The following TRANK1 variants were observed in gnomAD, a reference collection of about 807,000 sequenced individuals.
TRANK1 encodes tetratricopeptide repeat and ankyrin repeat containing 1.
In TRANK1, 198 loss-of-function variants were observed where a neutral mutation model predicts 266.0. That is an observed-to-expected ratio of 0.74 (90% CI 0.66 to 0.84). The LOEUF (loss-of-function observed/expected upper bound fraction) is 0.84. Ranked by LOEUF, TRANK1 falls within the 40% of genes least tolerant of loss-of-function variation. The pLI, the probability that TRANK1 is intolerant of heterozygous loss-of-function variation, is 0.00. For missense variants in TRANK1, 3,326 were observed against 3,634.6 expected (o/e 0.92, Z 2.18); for synonymous variants, 1,396 against 1,384.1 (o/e 1.01, Z -0.19).
chr3:36,831,774 G>A lies in TRANK1; in HGVS notation c.7809C>T (p.Cys2603=). The part of the protein sequence containing the change: ...ESRLQLMSMD[C]PGQVPERLLK... ...GGAGCCTCTCGGGAACCTGGCCAGG[G>A]CAGTCCATGCTCATGAGCTGCAGCC... Residue 2603 remains cysteine (C), a synonymous_variant, in exon 22 of 24, where the codon TGC becomes TGT. Transcript: ENST00000645898. The surrounding 1 kb of genome is among the most constrained non-coding windows in gnomAD (Gnocchi z 5.0). The A allele has an allele frequency of 1.9e-6, 3 of 1,613,950 alleles. No individual in the cohort carries two copies. The highest frequency in any genetic ancestry group is 2.5e-6 in the Non-Finnish European group (3 of 1,179,888).
rs1486704369 is a variant in TRANK1, at chr3:36,922,430, C to A, written c.24-13976G>T. 2.6e-5 allele frequency among the ~76,000 whole-genome samples: 4 copies of A among 152,048 alleles called. No individual in the cohort carries two copies. The East Asian group carries it at 7.7e-4, about 29-fold the overall frequency. On this transcript the variant is annotated intron_variant, in intron 1 of 23. Transcript: ENST00000645898. Reference sequence around the variant, plus strand: ...ACCAGCCTGGCCAATGTGGTGGAACCCTGTCTGTACCAAAAAATACAAAAA... The same window carrying A: ...ACCAGCCTGGCCAATGTGGTGGAACACTGTCTGTACCAAAAAATACAAAAA...
intron 1 of TRANK1, among the ~76,000 whole-genome samples, chr3:36,931,766 G>A (rs761142464): frequency 2.6e-5 from 4 of 151,906 alleles, no homozygotes; most frequent in Non-Finnish European, 5.9e-5. Context: ...AAGAAATTCT[G>A]GGCCAGGTGT....
intron 1 of TRANK1, among the ~76,000 whole-genome samples, chr3:36,913,193 C>T (rs1455551946): frequency 6.6e-6 from 1 of 152,002 alleles, no homozygotes; most frequent in Non-Finnish European, 1.5e-5. Flanking sequence ...AGGCGTGCGC[C>T]CTGTAATCCC....
rs569008586 is a variant in TRANK1 at position 36,910,528 on chromosome 3, T to C, written c.24-2074A>G. Among the ~76,000 whole-genome samples, 7 of 149,300 alleles carry C rather than the reference T, an allele frequency of 4.7e-5. No individual in the cohort carries two copies. In the East Asian group the frequency reaches 1.0e-3, roughly 21 times the overall value. ...GCTGAGGCGGGCAGACCACCTGAGGTCAGGAGTTCGAGTCCAGCCTGGCCA... is the reference window on the plus strand; with the variant it reads ...GCTGAGGCGGGCAGACCACCTGAGGCCAGGAGTTCGAGTCCAGCCTGGCCA... On this transcript the variant is annotated intron_variant, in intron 1 of 23. Transcript: ENST00000645898.
chr3:36,924,911 G>A (rs1375193809), intron 1 of TRANK1, among the ~76,000 whole-genome samples: 1 of 152,178 alleles, frequency 6.6e-6, no homozygotes, highest in Non-Finnish European at 1.5e-5. Flanking sequence ...GAGGCTCTCT[G>A]CTCCTGCTAA....
intron 5 of TRANK1, among the ~76,000 whole-genome samples, chr3:36,895,318 T>TA (rs2079772803): frequency 6.6e-6 from 1 of 152,184 alleles, no homozygotes; most frequent in African/African-American, 2.4e-5. Context: ...ACACACTAGC[T>TA]AAAGCAGTAT....
Position 36,846,300 on chromosome 3 carries a change from T to C in TRANK1, c.5139A>G (p.Lys1713=), listed in dbSNP as rs2078913274. 1 of 1,612,490 alleles carries C rather than the reference T, an allele frequency of 6.2e-7. No homozygotes were observed. Among genetic ancestry groups the C allele is most frequent in the African/African-American group, 1.3e-5 (1 of 75,024 alleles). ...ENREKRAPAF[K]YFIRRDFVQV... ...GGACAAAATCTCTTCTAATGAAATA[T>C]TTGAATGCGGGAGCCCGTTTCTCTC... Residue 1713 remains lysine (K), a synonymous_variant, in exon 17 of 24, where the codon AAA becomes AAG. Coordinates refer to ENST00000645898, the MANE Select transcript of TRANK1 (RefSeq NM_001329998.2).
At chr3:36,934,326 G>A (rs919521849) in intron 1 of TRANK1, among the ~76,000 whole-genome samples, 2 of 152,168 alleles carry the variant, frequency 1.3e-5, no homozygotes, top group Non-Finnish European at 2.9e-5. Flanking sequence ...GAAAAGAAAG[G>A]CAGAAAGCGG....
At chr3:36,876,198 AT>A (rs1211231529) in intron 8 of TRANK1, among the ~76,000 whole-genome samples, 2 of 152,210 alleles carry the variant, frequency 1.3e-5, no homozygotes, top group Non-Finnish European at 2.9e-5. Flanking sequence ...GCCTTACCAG[AT>A]TTGATGGTGT....
intron 9 of TRANK1, among the ~76,000 whole-genome samples, chr3:36,868,300 G>A (rs562038414): frequency 4.6e-5 from 7 of 152,208 alleles, no homozygotes; most frequent in African/African-American, 9.6e-5. Context: ...TTAACCTACC[G>A]TAAAACTGGT....
chr3:36,892,341 C>T lies in TRANK1; in HGVS notation c.637-1G>A, dbSNP rs2079712413. The stretch of plus-strand genomic sequence containing the variant: ...CATAAAGTCCAATGAAAACGTATTT[C>T]TGGGGAAAAAAAACACACAGGACAA... On this transcript the variant is annotated splice_acceptor_variant, in intron 6 of 23. Transcript: ENST00000645898. LOFTEE classifies it high-confidence loss of function. 2 of 1,535,274 alleles carry T rather than the reference C, an allele frequency of 1.3e-6. No individual in the cohort carries two copies. Among genetic ancestry groups the T allele is most frequent in the Non-Finnish European group, 1.7e-6 (2 of 1,146,402 alleles).
intron 9 of TRANK1, among the ~76,000 whole-genome samples, chr3:36,866,446 C>T (rs995310425): frequency 1.3e-5 from 2 of 152,106 alleles, no homozygotes; most frequent in Admixed American, 1.3e-4. Flanking sequence ...AGGAGGAAGA[C>T]CAGTAGGTGA....
intron 8 of TRANK1, among the ~76,000 whole-genome samples, chr3:36,879,575 T>TATATAA (rs1234770505): frequency 9.9e-6 from 1 of 101,352 alleles, no homozygotes; most frequent in African/African-American, 4.7e-5. Context: ...AATATATAAA[T>TATATAA]ATATATAAAT....
intron 3 of TRANK1, among the ~76,000 whole-genome samples, chr3:36,902,044 T>G (rs968637174): frequency 2.0e-5 from 3 of 152,212 alleles, no homozygotes; most frequent in Non-Finnish European, 4.4e-5. Context: ...TTGGCTTCCC[T>G]GGGCCATATT....
chr3:36,847,226 G>A lies in TRANK1; in HGVS notation c.5008C>T (p.Leu1670Phe). 6.2e-7 allele frequency: 1 copy of A among 1,613,398 alleles called. No homozygotes were observed. Among genetic ancestry groups the A allele is most frequent in the Non-Finnish European group, 8.5e-7 (1 of 1,179,634 alleles). ...TTGTACATTTCTGGATTCACCATGAGAGATCGACCCTGAGAAGAGCCTGGT... is the reference window on the plus strand; with the variant it reads ...TTGTACATTTCTGGATTCACCATGAAAGATCGACCCTGAGAAGAGCCTGGT... ...DKPGSSQGRS[L>F]MVNPEMYKLL... Residue 1670 changes from leucine (L) to phenylalanine (F), a missense_variant, in exon 16 of 24, where the codon CTC (leucine) becomes TTC (phenylalanine). Coordinates refer to ENST00000645898, the MANE Select transcript of TRANK1 (RefSeq NM_001329998.2).
chr3:36,895,833 T>A, intron 4 of TRANK1, 75 bp from the exon 5 acceptor site: 1 of 930,508 alleles, frequency 1.1e-6, no homozygotes, highest in East Asian at 2.7e-5. Context: ...GTCCTCCAAT[T>A]AAGTTCACAC....
At chr3:36,864,049 A>AT (rs2079179493) in intron 10 of TRANK1, among the ~76,000 whole-genome samples, 1 of 152,296 alleles carries the variant, frequency 6.6e-6, no homozygotes, top group East Asian at 1.9e-4. Context: ...TATCTATAGT[A>AT]TTTTTTAAAT....
chr3:36,900,851 CAAAAAAAAAAAAA>C lies in TRANK1; in HGVS notation c.283-1605_283-1593del, dbSNP rs138198488. On this transcript the variant is annotated intron_variant, in intron 3 of 23. Transcript: ENST00000645898. ...TGGGTGACAAAGCAAGACCCTGTCT[CAAAAAAAAAAAAA>C]AAAAAAAAAAAAGATAACAGGTGTT... Among the ~76,000 whole-genome samples the C allele has an allele frequency of 3.2e-4, 20 of 63,010 alleles. 2 individuals are homozygous for C. The highest frequency in any genetic ancestry group is 6.7e-5 in the Non-Finnish European group (2 of 30,034). 41.3% of individuals were successfully genotyped at this position (63,010 alleles called of 152,430 possible).
In TRANK1 at chr3:36,855,944, G is replaced by A; in HGVS notation, c.3778C>T (p.Pro1260Ser). Residue 1260 changes from proline to serine, a missense_variant, in exon 13 of 24, where the codon CCA becomes TCA. Transcript: ENST00000645898. ...CCATCTTCGTTTCTCAGAAAAAATG[G>A]TTTGGGCAGAGAAGCATCAAGCAGA... ...LLLLDASLPKPFFLRNEDGSL... is the reference protein window; with the variant it reads ...LLLLDASLPKSFFLRNEDGSL... 1.2e-6 allele frequency: 2 copies of A among 1,613,430 alleles called. No homozygotes were observed. Among genetic ancestry groups the A allele is most frequent in the Non-Finnish European group, 1.7e-6 (2 of 1,179,834 alleles).
Sources: gnomAD v4.1 joint callset for allele counts (sites outside exome capture counted in the v4.1 genomes callset) on GRCh38, gnomAD v4.1.1 for gene constraint, Gnocchi (gnomAD v3.1) non-coding constraint, MANE v1.5 for transcripts, NCBI Gene and HGNC (gene_info 2026-07-23, HGNC 2026-07-21) for gene names.